The following LYRM4 variants were observed in gnomAD, a reference collection of about 807,000 sequenced individuals.
LYRM4 encodes LYR motif containing 4, also known as LYR motif-containing protein 4.
A neutral mutation model predicts 11.7 loss-of-function variants in LYRM4; 9 were observed. The observed-to-expected ratio is 0.77, with a 90% CI of 0.46 to 1.34. The LOEUF is 1.34. Among genes scored for constraint, LYRM4 ranks in the 40% most tolerant of loss-of-function variants. The probability of loss-of-function intolerance (pLI) is 0.00; values close to 1 mark genes in which losing one functional copy is unlikely to be tolerated. For synonymous variants in LYRM4, 42 were observed against 40.4 expected (o/e 1.04, Z -0.15); for missense variants, 133 against 112.5 (o/e 1.18, Z -0.82).
chr6:5,121,111 C>T (rs1225169539), intron 2 of LYRM4, among the ~76,000 whole-genome samples: 1 of 152,200 alleles, frequency 6.6e-6, no homozygotes, highest in African/African-American at 2.4e-5. Flanking sequence ...CTTCCCTCCA[C>T]CCCTGCCCTG....
the LYRM4 span, among the ~76,000 whole-genome samples, chr6:5,052,264 A>G: frequency 6.6e-6 from 1 of 152,174 alleles, no homozygotes; most frequent in Non-Finnish European, 1.5e-5. Flanking sequence ...TCCACTTTTT[A>G]TTTTCTACAT....
At chr6:5,252,019 AG>A (rs1381364749) in intron 1 of LYRM4, among the ~76,000 whole-genome samples, 1 of 152,240 alleles carries the variant, frequency 6.6e-6, no homozygotes, top group African/African-American at 2.4e-5. Flanking sequence ...CAGCAATCAC[AG>A]ATATCAGTGT....
chr6:5,057,210 G>A, the LYRM4 span, among the ~76,000 whole-genome samples: 3 of 152,076 alleles, frequency 2.0e-5, no homozygotes, highest in African/African-American at 7.2e-5. Context: ...AAGGCTCTAG[G>A]AGACCTGGGG....
At chr6:5,124,538 T>A (rs943085422) in intron 2 of LYRM4, among the ~76,000 whole-genome samples, 1 of 152,210 alleles carries the variant, frequency 6.6e-6, no homozygotes, top group African/African-American at 2.4e-5. Context: ...ACTTCAGAAA[T>A]ATTCATCCCT....
chr6:5,154,516 T>G (rs1033530706), intron 2 of LYRM4, among the ~76,000 whole-genome samples: 4 of 152,056 alleles, frequency 2.6e-5, no homozygotes, highest in African/African-American at 7.2e-5. Context: ...TCATACAGAT[T>G]AAAAAGAAAG....
rs146604873 is a variant in LYRM4 at position 5,141,630 on chromosome 6, C to T, written c.208-32139G>A. 2.9e-3 allele frequency among the ~76,000 whole-genome samples: 436 copies of T among 152,236 alleles called. 1 individual carries two copies. The highest frequency in any genetic ancestry group is 9.8e-3 in the African/African-American group (407 of 41,528). ...TTAGTAGACCCTTCATTTTACAGAG[C>T]AGGAAAGTAAAATCCCAAAAAGCCA... On this transcript the variant is annotated intron_variant, in intron 2 of 2. Transcript: ENST00000330636.
In LYRM4 at chr6:5,108,422, A is replaced by G. The variant is rs1412682348; in HGVS notation, c.*1001T>C. 1 of 975,832 alleles carries G rather than the reference A, an allele frequency of 1.0e-6. No homozygotes were observed. Among genetic ancestry groups the G allele is most frequent in the Non-Finnish European group, 1.2e-6 (1 of 821,182 alleles). The allele number at this position is 975,832 out of a possible 1,614,324, so 60.4% of individuals were successfully genotyped here. A position where few individuals can be genotyped will look rare whatever the true frequency, so the allele number is the denominator to read the frequency against. On this transcript the variant is annotated 3_prime_UTR_variant, in exon 3 of 3. Transcript: ENST00000330636. ...GGAATGAATCTGTTTCCAAGAATAA[A>G]AGCATACAAACAATATCTTTATTAC... is the stretch of plus-strand genomic sequence containing the variant.
chr6:5,034,770 T>TTTTTTTC, the LYRM4 span: 115 of 141,198 alleles, frequency 8.1e-4, 8 homozygotes, highest in African/African-American at 3.0e-3. Context: ...TTTTTTTTTT[T>TTTTTTTC]CAAAAAGCGT....
At chr6:5,213,768 T>C (rs1581519219) in intron 2 of LYRM4, among the ~76,000 whole-genome samples, 1 of 152,198 alleles carries the variant, frequency 6.6e-6, no homozygotes, top group East Asian at 1.9e-4. Flanking sequence ...ACTTCATGCA[T>C]TTATTTAGTC....
chr6:5,259,363 T>G (rs113733283), intron 1 of LYRM4, among the ~76,000 whole-genome samples: 2 of 152,240 alleles, frequency 1.3e-5, no homozygotes, highest in African/African-American at 2.4e-5. Flanking sequence ...AGTATGCTTA[T>G]TATTACACTC....
At chr6:5,110,321 G>T (rs1398692368) in intron 2 of LYRM4, among the ~76,000 whole-genome samples, 1 of 105,968 alleles carries the variant, frequency 9.4e-6, no homozygotes, top group African/African-American at 4.0e-5. Context: ...AGCAGCCAGG[G>T]GTCAACATCC....
At chr6:5,047,940 C>T in the LYRM4 span, among the ~76,000 whole-genome samples, 10,313 of 152,146 alleles carry the variant, frequency 0.068, 1,130 homozygotes, top group African/African-American at 0.23. Flanking sequence ...GCTTCCTCCA[C>T]CCTGAGGTCA....
intron 2 of LYRM4, among the ~76,000 whole-genome samples, chr6:5,140,529 T>C (rs1337984173): frequency 6.6e-6 from 1 of 152,196 alleles, no homozygotes; most frequent in Non-Finnish European, 1.5e-5. Flanking sequence ...AACTATGATG[T>C]GCTCTCTGTA....
At chr6:5,146,173 G>A (rs1486794412) in intron 2 of LYRM4, among the ~76,000 whole-genome samples, 1 of 152,186 alleles carries the variant, frequency 6.6e-6, no homozygotes, top group Non-Finnish European at 1.5e-5. Context: ...AAGCCTGTGA[G>A]TTCAGGGGCA....
intron 1 of LYRM4, among the ~76,000 whole-genome samples, chr6:5,221,911 C>T (rs1762605092): frequency 6.6e-6 from 1 of 152,234 alleles, no homozygotes; most frequent in Non-Finnish European, 1.5e-5. Context: ...ACTTCTCCAA[C>T]TCCTCAGCCC....
intron 2 of LYRM4, among the ~76,000 whole-genome samples, chr6:5,194,412 G>A (rs1760937996): frequency 6.6e-6 from 1 of 152,136 alleles, no homozygotes; most frequent in Non-Finnish European, 1.5e-5. Flanking sequence ...GGCTGGTAAT[G>A]AGCACCAGCT....
the LYRM4 span, among the ~76,000 whole-genome samples, chr6:5,058,076 A>G: frequency 7.9e-5 from 12 of 152,102 alleles, no homozygotes; most frequent in African/African-American, 2.9e-4. Context: ...TATATGGCCC[A>G]TTCCTCCACA....
chr6:5,224,279 G>A (rs925320645), intron 1 of LYRM4, among the ~76,000 whole-genome samples: 2 of 152,196 alleles, frequency 1.3e-5, no homozygotes, highest in Admixed American at 1.3e-4. Context: ...AGACCACAGA[G>A]TGATGAAACA....
At chr6:5,188,376 A>C (rs1241464144) in intron 2 of LYRM4, among the ~76,000 whole-genome samples, 2 of 152,042 alleles carry the variant, frequency 1.3e-5, no homozygotes, top group Non-Finnish European at 2.9e-5. Context: ...CAAAAGAAAA[A>C]AAAAAGAGAG....
Sources: gnomAD v4.1 joint callset for allele counts (sites outside exome capture counted in the v4.1 genomes callset) on GRCh38, gnomAD v4.1.1 for gene constraint, MANE v1.5 for transcripts, NCBI Gene and HGNC (gene_info 2026-07-23, HGNC 2026-07-21) for gene names.